IQCM: variants seen among roughly 807,000 people sequenced by gnomAD.
The protein encoded by IQCM is IQ motif containing M.
IQCM carries 45 observed loss-of-function variants against 57.6 expected under a neutral mutation model. That is an observed-to-expected ratio of 0.78 (90% CI 0.62 to 1.00). IQCM has a LOEUF of 1.00. IQCM is among the 50% of genes least tolerant of loss of function. The pLI is 0.00. For missense variants in IQCM, 468 were observed against 511.6 expected (o/e 0.91, Z 0.82); for synonymous variants, 148 against 158.9 (o/e 0.93, Z 0.51).
intron 12 of IQCM, among the ~76,000 whole-genome samples, chr4:149,452,989 G>A (rs1162814471): frequency 1.3e-5 from 2 of 150,014 alleles, no homozygotes; most frequent in East Asian, 2.0e-4. Flanking sequence ...ACTTGAACAC[G>A]TACCCTGTAT....
intron 8 of IQCM, among the ~76,000 whole-genome samples, chr4:149,612,196 T>A (rs1016859407): frequency 6.6e-6 from 1 of 151,978 alleles, no homozygotes; most frequent in African/African-American, 2.4e-5. Context: ...CATGACTCAA[T>A]TACCTCCCAC....
chr4:149,404,271 T>C (rs1315298738), intron 13 of IQCM, among the ~76,000 whole-genome samples: 1 of 151,982 alleles, frequency 6.6e-6, no homozygotes, highest in East Asian at 1.9e-4. Context: ...CAAATCAACA[T>C]AGAAAATCAA....
intron 7 of IQCM, among the ~76,000 whole-genome samples, chr4:149,680,626 A>C (rs2150201152): frequency 6.6e-6 from 1 of 151,504 alleles, no homozygotes; most frequent in South Asian, 2.1e-4. Flanking sequence ...CACTGGAATA[A>C]GTATAAGGAG....
chr4:149,698,399 A>G (rs1763501451), intron 5 of IQCM, among the ~76,000 whole-genome samples: 1 of 152,068 alleles, frequency 6.6e-6, no homozygotes, highest in Non-Finnish European at 1.5e-5. Context: ...CACCCAATAA[A>G]TGTTTGCTGA....
At position 149,414,670 on chromosome 4, in the gene IQCM, A is replaced by G. The variant is rs1451903325; in HGVS notation, c.1390+18726T>C. Among the ~76,000 whole-genome samples, 3 of 152,198 alleles carry G rather than the reference A, an allele frequency of 2.0e-5. No individual in the cohort carries two copies. The East Asian group carries it at 5.8e-4, about 29-fold the overall frequency. On this transcript the variant is annotated intron_variant, in intron 13 of 13. Coordinates refer to ENST00000636793, the MANE Select transcript of IQCM (RefSeq NM_001363507.2). ...TATTTTATAGATATTTTTCAATTAT[A>G]TAACTAAGATTTATGTCATTAATCT...
chr4:149,625,924 C>T (rs1463225206), intron 7 of IQCM, among the ~76,000 whole-genome samples: 1 of 152,110 alleles, frequency 6.6e-6, no homozygotes, highest in Non-Finnish European at 1.5e-5. Context: ...CTCATGGATA[C>T]CATTTCTATG....
chr4:149,716,892 G>A (rs1433072686), intron 5 of IQCM, among the ~76,000 whole-genome samples: 32 of 152,132 alleles, frequency 2.1e-4, no homozygotes. Context: ...TCATGCCTAC[G>A]TGATGAAGCC....
At chr4:149,584,433 T>G (rs1752478754) in intron 9 of IQCM, among the ~76,000 whole-genome samples, 1 of 151,714 alleles carries the variant, frequency 6.6e-6, no homozygotes, top group South Asian at 2.1e-4. Context: ...GTATATGAAA[T>G]GAATACTTAT....
chr4:149,405,828 CATATATATAT>C (rs55914421), intron 13 of IQCM, among the ~76,000 whole-genome samples: 6 of 135,404 alleles, frequency 4.4e-5, no homozygotes, highest in Non-Finnish European at 7.9e-5. Context: ...TCCTAAGGAG[CATATATATAT>C]ATATATATAT....
intron 13 of IQCM, among the ~76,000 whole-genome samples, chr4:149,428,590 T>C (rs1038890410): frequency 1.3e-5 from 2 of 151,870 alleles, no homozygotes; most frequent in African/African-American, 2.4e-5. Flanking sequence ...AGTCTTATGT[T>C]ACAAAGTAGA....
chr4:149,684,894 C>T (rs1451494657), intron 6 of IQCM, among the ~76,000 whole-genome samples: 2 of 151,362 alleles, frequency 1.3e-5, no homozygotes, highest in African/African-American at 2.4e-5. Flanking sequence ...TGTATTGAAG[C>T]TCAGGCTTTA....
chr4:149,426,834 T>C (rs190983857), intron 13 of IQCM, among the ~76,000 whole-genome samples: 1 of 151,996 alleles, frequency 6.6e-6, no homozygotes, highest in East Asian at 2.0e-4. Context: ...CTATATTCTA[T>C]TGGTAACACC....
chr4:149,634,112 C>T (rs1276746746), intron 7 of IQCM, among the ~76,000 whole-genome samples: 5 of 151,930 alleles, frequency 3.3e-5, no homozygotes, highest in East Asian at 1.9e-4. Flanking sequence ...CAGGTTCAAG[C>T]GATTCTCCTG....
At chr4:149,604,886 G>T (rs1217013542) in intron 8 of IQCM, among the ~76,000 whole-genome samples, 1 of 152,082 alleles carries the variant, frequency 6.6e-6, no homozygotes, top group South Asian at 2.1e-4. Flanking sequence ...TGGGAGGAGG[G>T]ATTCCCCAGG....
chr4:149,532,482 A>T (rs911184672), intron 12 of IQCM, among the ~76,000 whole-genome samples: 1 of 150,980 alleles, frequency 6.6e-6, no homozygotes, highest in Non-Finnish European at 1.5e-5. Flanking sequence ...TTCTGAGAGG[A>T]GCATGCTTTT....
intron 7 of IQCM, among the ~76,000 whole-genome samples, chr4:149,667,391 C>A (rs1281539748): frequency 1.3e-5 from 2 of 152,014 alleles, no homozygotes; most frequent in African/African-American, 4.8e-5. Context: ...TCAACATCGA[C>A]AAAAAGGACA....
At chr4:149,720,348 T>C (rs1179885400) in intron 5 of IQCM, among the ~76,000 whole-genome samples, 2 of 152,218 alleles carry the variant, frequency 1.3e-5, no homozygotes, top group Admixed American at 6.5e-5. Flanking sequence ...CTATTAATTC[T>C]ATGTATTCAT....
chr4:149,363,652 C>T (rs949078743), intron 13 of IQCM, among the ~76,000 whole-genome samples: 2 of 152,078 alleles, frequency 1.3e-5, no homozygotes, highest in African/African-American at 4.8e-5. Context: ...GGAAACAAAT[C>T]ACCTCATTTC....
intron 7 of IQCM, among the ~76,000 whole-genome samples, chr4:149,673,901 G>C (rs1761527956): frequency 6.6e-6 from 1 of 152,044 alleles, no homozygotes; most frequent in Non-Finnish European, 1.5e-5. Context: ...AGAGTTCTAG[G>C]CCACCAGAAA....
Sources: allele counts gnomAD v4.1 joint callset (sites outside exome capture counted in the v4.1 genomes callset), GRCh38; gene constraint gnomAD v4.1.1; transcripts MANE v1.5; gene names NCBI Gene and HGNC (gene_info 2026-07-23, HGNC 2026-07-21).